BMPER: variants seen among roughly 807,000 people sequenced by gnomAD.
The protein encoded by BMPER is BMP-binding endothelial regulator protein.
Under a neutral mutation model 87.3 loss-of-function variants are expected in BMPER, and 45 were observed. The ratio of observed to expected loss-of-function variants is 0.52; its 90% confidence interval spans 0.41 to 0.66. The LOEUF (loss-of-function observed/expected upper bound fraction) is 0.66. Ranked by LOEUF, BMPER falls within the 30% of genes least tolerant of loss-of-function variation. BMPER has a pLI of 0.00. For missense variants in BMPER, 784 were observed against 867.5 expected, an observed-to-expected ratio of 0.90 and a Z score of 1.21; for synonymous variants, 326 against 316.2, an observed-to-expected ratio of 1.03 and a Z score of -0.33.
At chr7:34,114,217 C>T (rs182229737) in intron 13 of BMPER, among the ~76,000 whole-genome samples, 22 of 152,282 alleles carry the variant, frequency 1.4e-4, no homozygotes, top group African/African-American at 5.1e-4. Flanking sequence ...CTGTGGGGGC[C>T]GAGTCCCCAG....
chr7:34,056,478 ATGTGTGTTGTGTT>A (rs1475577156), intron 9 of BMPER, among the ~76,000 whole-genome samples: 1 of 152,142 alleles, frequency 6.6e-6, no homozygotes, highest in Non-Finnish European at 1.5e-5. Flanking sequence ...AGGGGGAGGC[ATGTGTGTTGTGTT>A]TACATCAGAC....
intron 6 of BMPER, among the ~76,000 whole-genome samples, chr7:33,993,698 C>T (rs1365470240): frequency 6.6e-6 from 1 of 152,092 alleles, no homozygotes; most frequent in African/African-American, 2.4e-5. Flanking sequence ...AGGCCCTCTG[C>T]TTTTTAGAGT....
intron 7 of BMPER, 136 bp from the exon 8 acceptor site, chr7:34,051,725 C>T (rs1585778516): frequency 1.3e-6 from 1 of 770,296 alleles, no homozygotes; most frequent in South Asian, 1.5e-5. Flanking sequence ...CATGTCTGAC[C>T]CAAGACTCTA....
At chr7:34,027,168 A>G (rs10281792) in intron 6 of BMPER, among the ~76,000 whole-genome samples, 440 of 152,260 alleles carry the variant, frequency 2.9e-3, no homozygotes, top group Non-Finnish European at 5.2e-3. Context: ...GCAGTTCTCA[A>G]AGTGTGGTCA....
chr7:34,083,336 A>G (rs1469031505), intron 12 of BMPER, among the ~76,000 whole-genome samples: 1 of 152,180 alleles, frequency 6.6e-6, no homozygotes, highest in African/African-American at 2.4e-5. Context: ...ACCTGGTCCC[A>G]TCACTGTCTT....
At chr7:34,025,327 G>A (rs1787328449) in intron 6 of BMPER, among the ~76,000 whole-genome samples, 1 of 151,930 alleles carries the variant, frequency 6.6e-6, no homozygotes, top group South Asian at 2.1e-4. Context: ...TAGAGGGTAG[G>A]TTCTGCAAGT....
chr7:34,044,721 T>C (rs1787913754), intron 6 of BMPER, among the ~76,000 whole-genome samples: 1 of 152,206 alleles, frequency 6.6e-6, no homozygotes, highest in Admixed American at 6.5e-5. Flanking sequence ...AAGAGCTTTT[T>C]CTGGTATTTT....
chr7:34,087,619 C>G (rs1463971820), intron 13 of BMPER, among the ~76,000 whole-genome samples: 1 of 152,202 alleles, frequency 6.6e-6, no homozygotes, highest in Admixed American at 6.5e-5. Context: ...AATGCCTGCA[C>G]ATAGTCAGCG....
chr7:33,908,321 C>T (rs918833968), intron 2 of BMPER, among the ~76,000 whole-genome samples: 1 of 151,908 alleles, frequency 6.6e-6, no homozygotes, highest in African/African-American at 2.4e-5. Context: ...TTAAATGTGC[C>T]GAGAGCTTTG....
At position 33,922,782 on chromosome 7, in the gene BMPER, T is replaced by A. The variant is rs530567773; in HGVS notation, c.220-14507T>A. Among the ~76,000 whole-genome samples, 4 of 152,318 alleles carry A rather than the reference T, an allele frequency of 2.6e-5. No individual in the cohort carries two copies. In the East Asian group the frequency reaches 7.7e-4, roughly 29 times the overall value. ...GCTGGGGTTAGCTAACGGGCTAGCT[T>A]GGAGCAGTGTCAAGTGTTCAGGTGG... On this transcript the variant is annotated intron_variant, in intron 2 of 14. Transcript: ENST00000649409.
Position 34,037,712 on chromosome 7 carries a change from C to G in BMPER, c.577-8594C>G, listed in dbSNP as rs559254960. Among the ~76,000 whole-genome samples the G allele has an allele frequency of 3.4e-4, 52 of 152,280 alleles. No homozygotes were observed. In the Middle Eastern group the frequency reaches 0.01, roughly 30 times the overall value. ...GACAGTTTTCTTACTTCATTAACAC[C>G]GAAAGTTGCTCCTGAAGCTGTCCAT... On this transcript the variant is annotated intron_variant, in intron 6 of 14. Transcript: ENST00000649409.
intron 6 of BMPER, among the ~76,000 whole-genome samples, chr7:34,021,602 T>C (rs1787190220): frequency 6.6e-6 from 1 of 152,006 alleles, no homozygotes; most frequent in Non-Finnish European, 1.5e-5. Flanking sequence ...AAGTAAATTA[T>C]CAAAGAATTT....
At chr7:33,921,248 A>C (rs73110358) in intron 2 of BMPER, among the ~76,000 whole-genome samples, 1 of 152,318 alleles carries the variant, frequency 6.6e-6, no homozygotes, top group Non-Finnish European at 1.5e-5. Flanking sequence ...TAATCTTAAT[A>C]GCTATTTTGC....
intron 12 of BMPER, among the ~76,000 whole-genome samples, chr7:34,080,898 G>A (rs745781227): frequency 1.3e-5 from 2 of 152,122 alleles, no homozygotes; most frequent in Non-Finnish European, 2.9e-5. Context: ...ATAAAAATGA[G>A]CAAAAGGATG....
chr7:34,089,644 C>G (rs577248960), intron 13 of BMPER, among the ~76,000 whole-genome samples: 7 of 151,924 alleles, frequency 4.6e-5, no homozygotes, highest in Non-Finnish European at 7.4e-5. Flanking sequence ...CCACCACACC[C>G]GGCTAATTTC....
intron 6 of BMPER, among the ~76,000 whole-genome samples, chr7:34,011,575 G>T (rs1183889635): frequency 5.4e-5 from 7 of 128,588 alleles, no homozygotes; most frequent in African/African-American, 2.2e-4. Flanking sequence ...GCTTTCAGTT[G>T]GTCAGGGCAA....
At chr7:34,015,930 T>C (rs960332942) in intron 6 of BMPER, among the ~76,000 whole-genome samples, 3 of 151,756 alleles carry the variant, frequency 2.0e-5, no homozygotes, top group Admixed American at 6.6e-5. Context: ...ATCGTGACTT[T>C]GGTGCTTCAT....
intron 4 of BMPER, among the ~76,000 whole-genome samples, chr7:33,967,774 T>C (rs1785439900): frequency 6.6e-6 from 1 of 152,156 alleles, no homozygotes; most frequent in Non-Finnish European, 1.5e-5. Context: ...TTCCACTCTT[T>C]GGTAGAGCAC....
At chr7:34,064,062 G>C (rs532406052) in intron 11 of BMPER, among the ~76,000 whole-genome samples, 116 of 152,340 alleles carry the variant, frequency 7.6e-4, no homozygotes, top group African/African-American at 2.7e-3. Context: ...AGGCCGAGGA[G>C]GGCAGATCAC....
Sources: gnomAD v4.1 joint callset for allele counts (sites outside exome capture counted in the v4.1 genomes callset) on GRCh38, gnomAD v4.1.1 for gene constraint, MANE v1.5 for transcripts, NCBI Gene and HGNC (gene_info 2026-07-23, HGNC 2026-07-21) for gene names.